The following PAPPA2 variants were observed in gnomAD, a reference collection of about 807,000 sequenced individuals.
The protein encoded by PAPPA2 is pappalysin 2, also known as pappalysin-2.
In PAPPA2, 86 loss-of-function variants were observed where a neutral mutation model predicts 176.4. The ratio of observed to expected loss-of-function variants is 0.49; its 90% CI spans 0.41 to 0.58. The LOEUF (loss-of-function observed/expected upper bound fraction) is 0.58, where lower values mean the gene tolerates loss of function less well. Among genes scored for constraint, PAPPA2 ranks in the 20% least tolerant of loss-of-function variants. The pLI is 0.00. For synonymous variants in PAPPA2, 809 were observed against 852.2 expected (o/e 0.95, Z 0.88); for missense variants, 2,073 against 2,256.9 (o/e 0.92, Z 1.65).
intron 21 of PAPPA2, among the ~76,000 whole-genome samples, chr1:176,839,021 T>C (rs1175829927): frequency 1.3e-5 from 2 of 152,200 alleles, no homozygotes; most frequent in Non-Finnish European, 2.9e-5. Flanking sequence ...CATCAAAACA[T>C]GGTAAAATAC....
chr1:176,647,122 TCTC>T lies in PAPPA2; in HGVS notation c.1992-23845_1992-23843del, dbSNP rs567108297. On this transcript the variant is annotated intron_variant, in intron 3 of 22. Transcript: ENST00000367662. Reference sequence around the variant, plus strand: ...AGCCATTTTAACTAGGGTGAAATAATCTCCTTGTAGTATTGATTTGCATTTCTT... The same window carrying T: ...AGCCATTTTAACTAGGGTGAAATAATCTTGTAGTATTGATTTGCATTTCTT... Among the ~76,000 whole-genome samples the T allele has an allele frequency of 3.2e-4, 49 of 151,754 alleles. No individual in the cohort carries two copies. In the South Asian group the frequency reaches 9.7e-3, roughly 30 times the overall value.
At chr1:176,803,319 T>C (rs532404609) in intron 21 of PAPPA2, among the ~76,000 whole-genome samples, 1 of 152,306 alleles carries the variant, frequency 6.6e-6, no homozygotes, top group East Asian at 1.9e-4. Context: ...AGATTCTTAC[T>C]GGTGTCATTT....
intron 3 of PAPPA2, among the ~76,000 whole-genome samples, chr1:176,626,518 C>T (rs189180000): frequency 1.2e-3 from 190 of 152,258 alleles, no homozygotes; most frequent in African/African-American, 4.3e-3. Flanking sequence ...GCTCCTCTCT[C>T]AGAAAAGTCA....
At chr1:176,722,138 A>G (rs1417982119) in intron 12 of PAPPA2, among the ~76,000 whole-genome samples, 1 of 152,164 alleles carries the variant, frequency 6.6e-6, no homozygotes, top group Non-Finnish European at 1.5e-5. Context: ...TTAAAAACAT[A>G]TTAATCACAA....
chr1:176,758,685 G>A (rs142337315), intron 14 of PAPPA2, among the ~76,000 whole-genome samples: 10 of 152,176 alleles, frequency 6.6e-5, no homozygotes, highest in Middle Eastern at 6.8e-3. Flanking sequence ...TTTAGTCAAG[G>A]GTGGCACTTC....
intron 1 of PAPPA2, among the ~76,000 whole-genome samples, chr1:176,544,985 G>A (rs1650553918): frequency 6.6e-6 from 1 of 152,190 alleles, no homozygotes; most frequent in African/African-American, 2.4e-5. Flanking sequence ...CAACTGCCCA[G>A]TATCTCCATG....
intron 3 of PAPPA2, among the ~76,000 whole-genome samples, chr1:176,611,354 G>A (rs1654913719): frequency 6.6e-6 from 1 of 152,112 alleles, no homozygotes; most frequent in South Asian, 2.1e-4. Flanking sequence ...TGAAAACAAG[G>A]TAGCATTATG....
At chr1:176,533,587 C>T (rs372534326) in intron 1 of PAPPA2, among the ~76,000 whole-genome samples, 1 of 152,310 alleles carries the variant, frequency 6.6e-6, no homozygotes, top group South Asian at 2.1e-4. Context: ...GTACCTCCTC[C>T]CTGCCACTTC....
intron 1 of PAPPA2, among the ~76,000 whole-genome samples, chr1:176,529,843 C>T (rs1166528432): frequency 1.3e-5 from 2 of 152,010 alleles, no homozygotes; most frequent in Non-Finnish European, 2.9e-5. Context: ...TTGCTACTTA[C>T]TGTCTCTTGA....
rs374126051 is a variant in PAPPA2, at chr1:176,835,480, C to T, written c.5203-4693C>T. Among the ~76,000 whole-genome samples the T allele has an allele frequency of 8.5e-5, 13 of 152,204 alleles. 1 individual carries two copies. Among genetic ancestry groups the T allele is most frequent in the African/African-American group, 2.6e-4 (11 of 41,544 alleles). On this transcript the variant is annotated intron_variant, in intron 21 of 22. Coordinates refer to ENST00000367662, the MANE Select transcript of PAPPA2 (RefSeq NM_020318.3). ...CAACAGTGTGAAAGGGTTCCCTTTC[C>T]TCCACATTCTCACAAGCACTTGCCT...
intron 2 of PAPPA2, among the ~76,000 whole-genome samples, chr1:176,581,711 T>G (rs1506780): frequency 2.6e-5 from 4 of 152,050 alleles, no homozygotes; most frequent in African/African-American, 9.7e-5. Flanking sequence ...TTATTGCTTC[T>G]GTAGCTATTC....
chr1:176,613,347 G>C (rs1655036314), intron 3 of PAPPA2, among the ~76,000 whole-genome samples: 1 of 152,216 alleles, frequency 6.6e-6, no homozygotes, highest in African/African-American at 2.4e-5. Flanking sequence ...CTGGACCATG[G>C]GGACCGTCTT....
rs1573223358 is a variant in PAPPA2 at position 176,668,866 on chromosome 1, A to ATT, written c.1992-2103_1992-2102insTT. ...ATACCCAGTTTGCCACCAGCATGACATAAATACTGTCATCTGGAAGGGTAA... is the reference window on the plus strand; with the variant it reads ...ATACCCAGTTTGCCACCAGCATGACATTTAAATACTGTCATCTGGAAGGGTAA... On this transcript the variant is annotated intron_variant, in intron 3 of 22. Transcript: ENST00000367662. Among the ~76,000 whole-genome samples, 4 of 152,318 alleles carry ATT rather than the reference A, an allele frequency of 2.6e-5. No homozygotes were observed. In the East Asian group the frequency reaches 7.7e-4, roughly 29 times the overall value.
intron 1 of PAPPA2, among the ~76,000 whole-genome samples, chr1:176,512,676 A>G (rs1327689354): frequency 6.6e-6 from 1 of 152,202 alleles, no homozygotes; most frequent in African/African-American, 2.4e-5. Context: ...TTATTAATGT[A>G]TTGATTACAC....
intron 1 of PAPPA2, among the ~76,000 whole-genome samples, chr1:176,529,509 G>T (rs1356676494): frequency 6.6e-6 from 1 of 151,964 alleles, no homozygotes; most frequent in African/African-American, 2.4e-5. Context: ...GTTACATAAG[G>T]TTATATGGCA....
chr1:176,550,376 C>T (rs930320774), intron 1 of PAPPA2, among the ~76,000 whole-genome samples: 2 of 152,156 alleles, frequency 1.3e-5, no homozygotes, highest in Non-Finnish European at 2.9e-5. Context: ...GAAGAGATTC[C>T]AGGTACAAAG....
intron 17 of PAPPA2, among the ~76,000 whole-genome samples, chr1:176,773,779 A>G (rs917272483): frequency 1.1e-4 from 17 of 152,204 alleles, no homozygotes; most frequent in African/African-American, 3.9e-4. Context: ...AAGGAAGGAA[A>G]CAATTACTAA....
intron 3 of PAPPA2, among the ~76,000 whole-genome samples, chr1:176,633,773 G>T (rs1233807568): frequency 6.6e-6 from 1 of 152,152 alleles, no homozygotes; most frequent in Non-Finnish European, 1.5e-5. Flanking sequence ...CCATCAAAAA[G>T]TGGGCAAAGG....
Position 176,711,917 on chromosome 1 carries a change from C to G in PAPPA2, c.3734C>G (p.Thr1245Ser). ...CCCTGTGTTGCCAGTGAAAATGAAACTCAGGATGACAGGAGTGAACAGCCA... is the reference window on the plus strand; with the variant it reads ...CCCTGTGTTGCCAGTGAAAATGAAAGTCAGGATGACAGGAGTGAACAGCCA... ...WFPCVASENETQDDRSEQPEG... is the reference protein window; with the variant it reads ...WFPCVASENESQDDRSEQPEG... Residue 1245 changes from threonine (T) to serine (S), a missense_variant, in exon 12 of 23, where the codon ACT becomes AGT. Physicochemically the swap from Thr to Ser is moderately conservative, Grantham distance 58 (BLOSUM62 1). Transcript: ENST00000367662. 6.2e-7 allele frequency: 1 copy of G among 1,613,714 alleles called. No individual in the cohort carries two copies. The highest frequency in any genetic ancestry group is 8.5e-7 in the Non-Finnish European group (1 of 1,179,696).
Sources: gnomAD v4.1 joint callset for allele counts (sites outside exome capture counted in the v4.1 genomes callset) on GRCh38, gnomAD v4.1.1 for gene constraint, MANE v1.5 for transcripts, NCBI Gene and HGNC (gene_info 2026-07-23, HGNC 2026-07-21) for gene names.